CDH12: variants seen among roughly 807,000 people sequenced by gnomAD.
CDH12 encodes the protein cadherin-12.
Under a neutral mutation model 74.1 loss-of-function variants are expected in CDH12, and 41 were observed. The observed-to-expected ratio is 0.55, with a 90% CI of 0.43 to 0.72. The LOEUF (loss-of-function observed/expected upper bound fraction) is 0.72. Ranked by LOEUF, CDH12 falls within the 30% of genes least tolerant of loss-of-function variation. The pLI is 0.00. For missense variants in CDH12, 945 were observed against 977.2 expected (o/e 0.97, Z 0.44); for synonymous variants, 399 against 355.0 (o/e 1.12, Z -1.39).
chr5:22,756,098 G>GAA (rs60067455), intron 1 of CDH12, among the ~76,000 whole-genome samples: 85 of 87,296 alleles, frequency 9.7e-4, no homozygotes, highest in African/African-American at 2.1e-3. Flanking sequence ...TTCAAGGACC[G>GAA]AAAAAAAAAA....
chr5:22,787,446 C>G (rs1262504719), intron 1 of CDH12, among the ~76,000 whole-genome samples: 1 of 152,092 alleles, frequency 6.6e-6, no homozygotes, highest in African/African-American at 2.4e-5. Context: ...CACACAGAAT[C>G]TTTCCCTTTT....
At chr5:22,464,740 G>A (rs980497546) in intron 2 of CDH12, among the ~76,000 whole-genome samples, 2 of 152,060 alleles carry the variant, frequency 1.3e-5, no homozygotes, top group Non-Finnish European at 2.9e-5. Flanking sequence ...GGTGGCTCAC[G>A]CCTGTAATCC....
At position 21,902,320 on chromosome 5, in the gene CDH12, A is replaced by G. The variant is rs115541563; in HGVS notation, c.527-47530T>C. ...TATGTATATATGTGTATATATATAT[A>G]TCTCCCTCGCTATTTCTCTTTCTCT... On this transcript the variant is annotated intron_variant, in intron 6 of 14. Coordinates refer to ENST00000382254, the MANE Select transcript of CDH12 (RefSeq NM_004061.5). Among the ~76,000 whole-genome samples, 1,362 of 151,422 alleles carry G rather than the reference A, an allele frequency of 9.0e-3. 16 individuals carry two copies. The highest frequency in any genetic ancestry group is 0.03 in the African/African-American group (1,258 of 41,354).
rs2150368611 is a variant in CDH12 at position 22,220,841 on chromosome 5, G to A, written c.-332-8198C>T. On this transcript the variant is annotated intron_variant, in intron 3 of 14. Coordinates refer to ENST00000382254, the MANE Select transcript of CDH12 (RefSeq NM_004061.5). ...GAAATAGTGCAGTACCAATGCCTTAGGGTTGACTAGTGACACGAGCTATAT... is the reference window on the plus strand; with the variant it reads ...GAAATAGTGCAGTACCAATGCCTTAAGGTTGACTAGTGACACGAGCTATAT... 2.0e-5 allele frequency among the ~76,000 whole-genome samples: 3 copies of A among 151,794 alleles called. 1 individual carries two copies. The South Asian group carries it at 6.2e-4, about 32-fold the overall frequency.
chr5:21,812,732 CA>C (rs1747817173), intron 9 of CDH12, among the ~76,000 whole-genome samples: 1 of 152,042 alleles, frequency 6.6e-6, no homozygotes, highest in Non-Finnish European at 1.5e-5. Flanking sequence ...ACAATATATA[CA>C]ATAGATAGGT....
chr5:22,745,933 A>T (rs1745274887), intron 1 of CDH12, among the ~76,000 whole-genome samples: 1 of 152,200 alleles, frequency 6.6e-6, no homozygotes, highest in Non-Finnish European at 1.5e-5. Context: ...AAAAAATAAA[A>T]TAAAATATAA....
rs1191974465 is a variant in CDH12 at position 21,833,017 on chromosome 5, G to GATATAAT, written c.814+9137_814+9143dup. ...TATTAATATATTATATATAATATATGATATAATATATAATATATAATATAT... is the reference window on the plus strand; with the variant it reads ...TATTAATATATTATATATAATATATGATATAATATATAATATATAATATATAATATAT... On this transcript the variant is annotated intron_variant, in intron 8 of 14. Transcript: ENST00000382254. 8.9e-3 allele frequency among the ~76,000 whole-genome samples: 265 copies of GATATAAT among 29,880 alleles called. 4 individuals are homozygous for GATATAAT. The highest frequency in any genetic ancestry group is 0.01 in the Non-Finnish European group (222 of 21,328). The allele number at this position is 29,880 out of a possible 152,430, so 19.6% of individuals were successfully genotyped here.
chr5:22,443,070 G>A (rs1242528887), intron 2 of CDH12, among the ~76,000 whole-genome samples: 1 of 152,174 alleles, frequency 6.6e-6, no homozygotes, highest in East Asian at 1.9e-4. Context: ...GCACTCTGTT[G>A]AAGCAATGTT....
At chr5:22,218,959 T>C (rs1395710823) in intron 3 of CDH12, among the ~76,000 whole-genome samples, 1 of 151,782 alleles carries the variant, frequency 6.6e-6, no homozygotes, top group Non-Finnish European at 1.5e-5. Context: ...CATTCAATCA[T>C]ATTTTAAGAC....
intron 1 of CDH12, among the ~76,000 whole-genome samples, chr5:22,567,318 T>C (rs1191633645): frequency 6.6e-6 from 1 of 152,154 alleles, no homozygotes; most frequent in Non-Finnish European, 1.5e-5. Flanking sequence ...GGAAACCCAA[T>C]TTGAAAATCC....
chr5:22,113,367 T>C lies in CDH12; in HGVS notation c.-186-34505A>G, dbSNP rs116432273. On this transcript the variant is annotated intron_variant, in intron 4 of 14. Coordinates refer to ENST00000382254, the MANE Select transcript of CDH12 (RefSeq NM_004061.5). ...AAGTCTAGCACCTTTTCAACACTTGTCACCTATTGTCTCTAAGGGCAGCCA... is the reference window on the plus strand; with the variant it reads ...AAGTCTAGCACCTTTTCAACACTTGCCACCTATTGTCTCTAAGGGCAGCCA... 1.8e-3 allele frequency among the ~76,000 whole-genome samples: 275 copies of C among 152,256 alleles called. 1 individual carries two copies. Among genetic ancestry groups the C allele is most frequent in the African/African-American group, 6.4e-3 (268 of 41,556 alleles).
intron 1 of CDH12, among the ~76,000 whole-genome samples, chr5:22,572,012 G>A (rs1195148718): frequency 6.6e-5 from 10 of 151,986 alleles, no homozygotes; most frequent in Non-Finnish European, 8.8e-5. Flanking sequence ...GAAAAATGGC[G>A]CTGACAGACT....
intron 1 of CDH12, among the ~76,000 whole-genome samples, chr5:22,758,766 T>C (rs1746060872): frequency 6.6e-6 from 1 of 152,194 alleles, no homozygotes; most frequent in African/African-American, 2.4e-5. Flanking sequence ...GATTTATTTA[T>C]AATGGTCAAT....
intron 4 of CDH12, among the ~76,000 whole-genome samples, chr5:22,093,110 A>G (rs1327746581): frequency 6.6e-6 from 1 of 152,140 alleles, no homozygotes; most frequent in Non-Finnish European, 1.5e-5. Context: ...ATTAAGCAGC[A>G]TGGTCAGGTG....
chr5:22,377,200 C>T (rs1741566060), intron 3 of CDH12, among the ~76,000 whole-genome samples: 2 of 152,094 alleles, frequency 1.3e-5, no homozygotes, highest in East Asian at 1.9e-4. Context: ...TTCTTTTAAT[C>T]CTACAGTTCT....
chr5:22,197,359 A>T (rs1257992070), intron 4 of CDH12, among the ~76,000 whole-genome samples: 1 of 152,118 alleles, frequency 6.6e-6, no homozygotes, highest in Non-Finnish European at 1.5e-5. Context: ...GAGGCAGGAG[A>T]ATGGTGTGAA....
intron 1 of CDH12, among the ~76,000 whole-genome samples, chr5:22,627,797 G>A (rs927374744): frequency 3.3e-5 from 5 of 151,996 alleles, no homozygotes; most frequent in Non-Finnish European, 7.4e-5. Flanking sequence ...GGGGCAAGTT[G>A]GATAAAGAAG....
At chr5:22,603,231 G>T (rs1340946207) in intron 1 of CDH12, among the ~76,000 whole-genome samples, 1 of 151,798 alleles carries the variant, frequency 6.6e-6, no homozygotes, top group African/African-American at 2.4e-5. Flanking sequence ...CAACAAAACA[G>T]CAACTATTGA....
intron 9 of CDH12, among the ~76,000 whole-genome samples, chr5:21,804,643 AACACACACACACACACAC>A (rs11281181): frequency 0.011 from 1,238 of 115,356 alleles, 28 homozygotes; most frequent in African/African-American, 0.036. Context: ...AGTGAATTAA[AACACACACACACACACAC>A]ACACACACAC....
Sources: allele counts gnomAD v4.1 joint callset (sites outside exome capture counted in the v4.1 genomes callset), GRCh38; gene constraint gnomAD v4.1.1; transcripts MANE v1.5; gene names NCBI Gene and HGNC (gene_info 2026-07-23, HGNC 2026-07-21).